Variants in SMCR8 observed in about 807,000 individuals in gnomAD.
SMCR8 encodes the protein guanine nucleotide exchange protein SMCR8.
In SMCR8, 30 loss-of-function variants were observed where a neutral mutation model predicts 56.6. The observed-to-expected ratio is 0.53, with a 90% CI of 0.40 to 0.72. The LOEUF is 0.72. SMCR8 is among the 30% of genes least tolerant of loss of function. The pLI, the probability that SMCR8 is intolerant of heterozygous loss-of-function variation, is 0.00. For missense variants in SMCR8, 1,198 were observed against 1,157.0 expected (o/e 1.04, Z -0.51); for synonymous variants, 538 against 456.0 (o/e 1.18, Z -2.29).
intron 1 of SMCR8, among the ~76,000 whole-genome samples, chr17:18,318,877 G>C (rs1982414889): frequency 6.6e-6 from 1 of 152,198 alleles, no homozygotes; most frequent in Non-Finnish European, 1.5e-5. Context: ...CGGGGGAAAG[G>C]GTTAGGCTGC....
In SMCR8 at chr17:18,317,570, A is replaced by G. The variant is rs765676761; in HGVS notation, c.1781A>G (p.Gln594Arg). 10 of 1,614,072 alleles carry G rather than the reference A, an allele frequency of 6.2e-6. No individual in the cohort carries two copies. The African/African-American group carries it at 6.7e-5, about 11-fold the overall frequency. Reference sequence around the variant, plus strand: ...TGTATTGGGAAGGAGAGCGATGGTCAGTTGGTGCTGCCCTCCACTCCAGCC... The same window carrying G: ...TGTATTGGGAAGGAGAGCGATGGTCGGTTGGTGCTGCCCTCCACTCCAGCC... ...SCCIGKESDGQLVLPSTPAHT... is the reference protein window; with the variant it reads ...SCCIGKESDGRLVLPSTPAHT... Residue 594 changes from glutamine (Q) to arginine (R), a missense_variant, in exon 1 of 2, where the codon CAG (glutamine) becomes CGG (arginine). By Grantham distance (43) the Gln-to-Arg change is conservative (BLOSUM62 1). Coordinates refer to ENST00000406438, the MANE Select transcript of SMCR8 (RefSeq NM_144775.3).
intron 1 of SMCR8, 140 bp from the exon 2 acceptor site, chr17:18,322,477 C>G (rs1471008604): frequency 9.9e-6 from 7 of 707,374 alleles, no homozygotes; most frequent in Middle Eastern, 7.9e-4. Flanking sequence ...TTACAATGAT[C>G]AGATTTGTCT....
Position 18,316,778 on chromosome 17 carries a change from A to T in SMCR8, c.989A>T (p.Tyr330Phe). The T allele has an allele frequency of 6.2e-7, 1 of 1,614,184 alleles. No homozygotes were observed. The highest frequency in any genetic ancestry group is 8.5e-7 in the Non-Finnish European group (1 of 1,180,046). Reference protein sequence around the residue: ...KTLEELCDTEYFTQTLAQLSH... With the variant: ...KTLEELCDTEFFTQTLAQLSH... ...TTGGAGGAGCTCTGTGACACTGAAT[A>T]TTTCACCCAGACCCTGGCTCAGCTC... is the stretch of plus-strand genomic sequence containing the variant. Residue 330 changes from tyrosine to phenylalanine, a missense_variant, in exon 1 of 2, where the codon TAT (tyrosine) becomes TTT (phenylalanine). Coordinates refer to ENST00000406438, the MANE Select transcript of SMCR8 (RefSeq NM_144775.3).
rs1040424730 is a variant in SMCR8 at position 18,326,881 on chromosome 17, G to A, written c.*3811G>A. The A allele has an allele frequency of 6.6e-6, 1 of 152,638 alleles. No homozygotes were observed. Among genetic ancestry groups the A allele is most frequent in the East Asian group, 1.9e-4 (1 of 5,190 alleles). The allele number at this position is 152,638 out of a possible 1,614,324, so 9.5% of individuals were successfully genotyped here. ...CAGCCAGTAGGATTGCCTCAGCCAGGGGGTTTATCAGAAGGTGTGCAAGGC... is the reference window on the plus strand; with the variant it reads ...CAGCCAGTAGGATTGCCTCAGCCAGAGGGTTTATCAGAAGGTGTGCAAGGC... On this transcript the variant is annotated 3_prime_UTR_variant, in exon 2 of 2. Transcript: ENST00000406438.
rs201664795 is a variant in SMCR8 at position 18,322,742 on chromosome 17, G to T, written c.2486G>T (p.Arg829Leu). The change falls in exon 2 of 2, where the codon CGC becomes CTC. Residue 829 changes from arginine (R) to leucine (L), a missense_variant. By Grantham distance (102) the Arg-to-Leu change is moderately radical. Transcript: ENST00000406438. ...CTTTACAGAGGCACCCTGGTGCCCC[G>T]CCTGGCAGACCACCGCACACAGATC... ...CPLYRGTLVP[R>L]LADHRTQIKR... 6 of 1,614,078 alleles carry T rather than the reference G, an allele frequency of 3.7e-6. No homozygotes were observed. The highest frequency in any genetic ancestry group is 5.1e-6 in the Non-Finnish European group (6 of 1,180,038).
rs370351359 is a variant in SMCR8, at chr17:18,323,022, C to T, written c.2766C>T (p.His922=). 64 of 1,614,048 alleles carry T rather than the reference C, an allele frequency of 4.0e-5. No homozygotes were observed. Among genetic ancestry groups the T allele is most frequent in the Non-Finnish European group, 5.3e-5 (62 of 1,180,030 alleles). Residue 922 remains histidine (H), a synonymous_variant, in exon 2 of 2, where the codon CAC becomes CAT. Transcript: ENST00000406438. ...TGCAGGAATCTCCAGGGACCAGCCA[C>T]CCCATGCTCAGGTTTGACTATGTCC... ...HYMQESPGTS[H]PMLRFDYVPS...
rs1249534433 is a variant in SMCR8, at chr17:18,317,481, A to G, written c.1692A>G (p.Pro564=). 6.2e-7 allele frequency: 1 copy of G among 1,614,028 alleles called. No individual in the cohort carries two copies. The highest frequency in any genetic ancestry group is 1.3e-5 in the African/African-American group (1 of 74,946). ...GCTTCCAGGCAAGCATCAGTCCTCC[A>G]GAACTGGGTGAGACAGAGGAAGGCA... ...AIRFQASISP[P]ELGETEEGSI... Residue 564 remains proline (P), a synonymous_variant, in exon 1 of 2, where the codon CCA becomes CCG. Coordinates refer to ENST00000406438, the MANE Select transcript of SMCR8 (RefSeq NM_144775.3).
In SMCR8 at chr17:18,324,739, C is replaced by T. The variant is rs1168361798; in HGVS notation, c.*1669C>T. ...TCGTTTTAAGGGCATGGCCCGTTGG[C>T]TCCAGCCGTTGGCTTCTGTTCAGGG... On this transcript the variant is annotated 3_prime_UTR_variant, in exon 2 of 2. Coordinates refer to ENST00000406438, the MANE Select transcript of SMCR8 (RefSeq NM_144775.3). The T allele has an allele frequency of 1.3e-5, 2 of 152,282 alleles. No individual in the cohort carries two copies. The highest frequency in any genetic ancestry group is 2.9e-5 in the Non-Finnish European group (2 of 68,080). The allele number at this position is 152,282 out of a possible 1,614,324, so 9.4% of individuals were successfully genotyped here. A position where few individuals can be genotyped will look rare whatever the true frequency, so the allele number is the denominator to read the frequency against.
At position 18,315,795 on chromosome 17, in the gene SMCR8, C is replaced by A; in HGVS notation, c.6C>A (p.Ile2=). The change falls in exon 1 of 2, where the codon ATC becomes ATA. Residue 2 remains isoleucine (I), a synonymous_variant. Coordinates refer to ENST00000406438, the MANE Select transcript of SMCR8 (RefSeq NM_144775.3). ...TTCTTCATATATCTGGAAATATGAT[C>A]AGCGCCCCTGACGTAGTGGCCTTCA... M[I]SAPDVVAFTK... The A allele has an allele frequency of 6.3e-7, 1 of 1,579,572 alleles. No homozygotes were observed.
At position 18,317,853 on chromosome 17, in the gene SMCR8, G is replaced by A; in HGVS notation, c.2064G>A (p.Arg688=). ...VSSVASTSSD[R]IPSAYPAGLS... The stretch of plus-strand genomic sequence containing the variant: ...GTGTAGCGTCCACCAGCTCAGACAG[G>A]ATCCCCTCTGCTTATCCTGCTGGCC... The change falls in exon 1 of 2, where the codon AGG becomes AGA. Residue 688 remains arginine (R), a synonymous_variant. Coordinates refer to ENST00000406438, the MANE Select transcript of SMCR8 (RefSeq NM_144775.3). 1.2e-6 allele frequency: 2 copies of A among 1,614,154 alleles called. No homozygotes were observed. Among genetic ancestry groups the A allele is most frequent in the African/African-American group, 1.3e-5 (1 of 75,038 alleles).
rs769691015 is a variant in SMCR8 at position 18,317,538 on chromosome 17, C to T, written c.1749C>T (p.Ser583=). 3 of 1,614,138 alleles carry T rather than the reference C, an allele frequency of 1.9e-6. No individual in the cohort carries two copies. The highest frequency in any genetic ancestry group is 2.2e-5 in the East Asian group (1 of 44,880). The stretch of plus-strand genomic sequence containing the variant: ...AAAACACCCCATCACAAATAGACTC[C>T]TCCTGCTGTATTGGGAAGGAGAGCG... The part of the protein sequence containing the change: ...SIENTPSQID[S]SCCIGKESDG... Residue 583 remains serine (S), a synonymous_variant, in exon 1 of 2, where the codon TCC becomes TCT. Transcript: ENST00000406438.
Position 18,323,115 on chromosome 17 carries a change from G to A in SMCR8, c.*45G>A, listed in dbSNP as rs751211734. 1.6e-5 allele frequency: 25 copies of A among 1,532,536 alleles called. No homozygotes were observed. In the Admixed American group the frequency reaches 4.3e-4, roughly 26 times the overall value. 94.9% of individuals were successfully genotyped at this position (1,532,536 alleles called of 1,614,324 possible). A position where few individuals can be genotyped will look rare whatever the true frequency, so the allele number is the denominator to read the frequency against. ...GACCAAGACCTGTGACTCAGGGTAT[G>A]GGGAGGGGAGGGGTTGGCATGACCA... On this transcript the variant is annotated 3_prime_UTR_variant, in exon 2 of 2. Coordinates refer to ENST00000406438, the MANE Select transcript of SMCR8 (RefSeq NM_144775.3).
In SMCR8 at chr17:18,317,828, G is replaced by A. The variant is rs115902910; in HGVS notation, c.2039G>A (p.Ser680Asn). The A allele has an allele frequency of 3.8e-5, 61 of 1,614,180 alleles. No individual in the cohort carries two copies. In the African/African-American group the frequency reaches 7.3e-4, roughly 19 times the overall value. ...TCAGACACCACCAGCTACGTGAGCAGTGTAGCGTCCACCAGCTCAGACAGG... is the reference window on the plus strand; with the variant it reads ...TCAGACACCACCAGCTACGTGAGCAATGTAGCGTCCACCAGCTCAGACAGG... ...NYSDTTSYVS[S>N]VASTSSDRIP... The change falls in exon 1 of 2, where the codon AGT becomes AAT. Residue 680 changes from serine (S) to asparagine (N), a missense_variant. Physicochemically the swap from Ser to Asn is conservative, Grantham distance 46. Transcript: ENST00000406438.
Position 18,316,985 on chromosome 17 carries a change from C to T in SMCR8, c.1196C>T (p.Pro399Leu), listed in dbSNP as rs1228526247. ...IPSKPSQDRP[P>L]SSSLEECPIP... ...TCTAAGCCCAGTCAAGACAGGCCGC[C>T]TTCCAGTTCTCTAGAAGAATGCCCA... is the stretch of plus-strand genomic sequence containing the variant. The change falls in exon 1 of 2, where the codon CCT becomes CTT. Residue 399 changes from proline to leucine, a missense_variant. Pro to Leu is a moderately conservative substitution (Grantham distance 98). Transcript: ENST00000406438. The T allele has an allele frequency of 1.9e-6, 3 of 1,614,110 alleles. No homozygotes were observed. Among genetic ancestry groups the T allele is most frequent in the Admixed American group, 3.3e-5 (2 of 60,008 alleles).
At chr17:18,322,233 G>T (rs1186403245) in intron 1 of SMCR8, among the ~76,000 whole-genome samples, 2 of 152,236 alleles carry the variant, frequency 1.3e-5, no homozygotes, top group South Asian at 2.1e-4. Context: ...GGATGGTCTC[G>T]ATCTCCTGAC....
rs1335807742 is a variant in SMCR8, at chr17:18,324,174, T to A, written c.*1104T>A. 1 of 152,212 alleles carries A rather than the reference T, an allele frequency of 6.6e-6. No homozygotes were observed. The highest frequency in any genetic ancestry group is 1.9e-4 in the East Asian group (1 of 5,194). The allele number at this position is 152,212 out of a possible 1,614,324, so 9.4% of individuals were successfully genotyped here. Reference sequence around the variant, plus strand: ...TTGGCCCAGCCGATGAGAACTCAAATAGCACGGATTTCCTGGATGAGCTAC... The same window carrying A: ...TTGGCCCAGCCGATGAGAACTCAAAAAGCACGGATTTCCTGGATGAGCTAC... On this transcript the variant is annotated 3_prime_UTR_variant, in exon 2 of 2. Coordinates refer to ENST00000406438, the MANE Select transcript of SMCR8 (RefSeq NM_144775.3).
intron 1 of SMCR8, among the ~76,000 whole-genome samples, chr17:18,319,434 G>A (rs1401102914): frequency 1.3e-5 from 2 of 152,150 alleles, no homozygotes; most frequent in African/African-American, 2.4e-5. Context: ...CAGGAGAGAT[G>A]TCTTCGGTGG....
In SMCR8 at chr17:18,317,028, T is replaced by C. The variant is rs1032172953; in HGVS notation, c.1239T>C (p.Ile413=). ...AATGCCCAATTCCTAAAGTGTTAAT[T>C]AGTGTTGGTTCTTACAAGTCCAGTG... ...LEECPIPKVL[I]SVGSYKSSVE... is the part of the protein sequence containing the mutation. The change falls in exon 1 of 2, where the codon ATT becomes ATC. Residue 413 remains isoleucine, a synonymous_variant. Transcript: ENST00000406438. 9 of 1,614,068 alleles carry C rather than the reference T, an allele frequency of 5.6e-6. No individual in the cohort carries two copies. The highest frequency in any genetic ancestry group is 5.9e-6 in the Non-Finnish European group (7 of 1,180,022).
In SMCR8 at chr17:18,317,861, C is replaced by T; in HGVS notation, c.2072C>T (p.Ser691Phe). 2 of 1,614,184 alleles carry T rather than the reference C, an allele frequency of 1.2e-6. No homozygotes were observed. Among genetic ancestry groups the T allele is most frequent in the Non-Finnish European group, 1.7e-6 (2 of 1,180,034 alleles). ...TCCACCAGCTCAGACAGGATCCCCT[C>T]TGCTTATCCTGCTGGCCTGTCTTCC... ...VASTSSDRIP[S>F]AYPAGLSSDR... The change falls in exon 1 of 2, where the codon TCT becomes TTT. Residue 691 changes from serine to phenylalanine, a missense_variant. Ser to Phe is a radical substitution (Grantham distance 155). Transcript: ENST00000406438.
Sources: gnomAD v4.1 joint callset for allele counts (sites outside exome capture counted in the v4.1 genomes callset) on GRCh38, gnomAD v4.1.1 for gene constraint, MANE v1.5 for transcripts, NCBI Gene and HGNC (gene_info 2026-07-23, HGNC 2026-07-21) for gene names.